Variants in E2F5 observed in about 807,000 individuals in gnomAD.
E2F5 encodes transcription factor E2F5.
In E2F5, 23 loss-of-function variants were observed where a neutral mutation model predicts 39.1. The ratio of observed to expected loss-of-function variants is 0.59; its 90% confidence interval spans 0.42 to 0.83. The LOEUF (loss-of-function observed/expected upper bound fraction) is 0.83, where lower values mean the gene tolerates loss of function less well. Ranked by LOEUF, E2F5 falls within the 40% of genes least tolerant of loss-of-function variation. The probability of loss-of-function intolerance (pLI) is 0.00; values close to 1 mark genes in which losing one functional copy is unlikely to be tolerated. For missense variants in E2F5, 365 were observed against 406.7 expected (o/e 0.90, Z 0.88); for synonymous variants, 145 against 157.8 (o/e 0.92, Z 0.61).
At chr8:85,205,821 A>T (rs576205198) in intron 3 of E2F5, among the ~76,000 whole-genome samples, 49 of 152,330 alleles carry the variant, frequency 3.2e-4, no homozygotes, top group African/African-American at 8.7e-4. Flanking sequence ...AACAAAAAAC[A>T]ACGATCACAG....
At chr8:85,188,159 A>T (rs1413916103) in intron 1 of E2F5, among the ~76,000 whole-genome samples, 2 of 152,178 alleles carry the variant, frequency 1.3e-5, no homozygotes, top group Admixed American at 1.3e-4. Context: ...TGCAGCTACT[A>T]TGATTTTTAA....
intron 5 of E2F5, 137 bp downstream of exon 5, chr8:85,207,626 A>AGG: frequency 1.6e-6 from 1 of 608,160 alleles, no homozygotes. Flanking sequence ...AAGTATTGAT[A>AGG]GCTGAATTTG....
intron 1 of E2F5, among the ~76,000 whole-genome samples, chr8:85,196,151 C>T (rs1032419706): frequency 5.3e-5 from 8 of 152,062 alleles, no homozygotes; most frequent in Non-Finnish European, 1.2e-4. Context: ...TTGAAACATG[C>T]GGCTCCTGGA....
chr8:85,180,916 C>T (rs981307999), intron 1 of E2F5, among the ~76,000 whole-genome samples: 4 of 149,526 alleles, frequency 2.7e-5, no homozygotes, highest in East Asian at 2.0e-4. Flanking sequence ...CTTATTCTGT[C>T]GCCCAGGCTG....
intron 6 of E2F5, among the ~76,000 whole-genome samples, chr8:85,210,080 G>T (rs1450040467): frequency 6.6e-6 from 1 of 152,184 alleles, no homozygotes; most frequent in Non-Finnish European, 1.5e-5. Flanking sequence ...GTACCTTACT[G>T]ATTCCAAATA....
At chr8:85,193,251 A>C (rs976083650) in intron 1 of E2F5, among the ~76,000 whole-genome samples, 8 of 152,148 alleles carry the variant, frequency 5.3e-5, no homozygotes, top group African/African-American at 1.7e-4. Flanking sequence ...TTGGGAGGCC[A>C]AGCGGGCAGA....
chr8:85,198,277 TC>T (rs1238423844), intron 1 of E2F5, among the ~76,000 whole-genome samples: 1 of 152,056 alleles, frequency 6.6e-6, no homozygotes, highest in East Asian at 1.9e-4. Context: ...TGTTAATGAT[TC>T]CTCTTTCTTT....
intron 1 of E2F5, among the ~76,000 whole-genome samples, chr8:85,201,354 T>A (rs2129717212): frequency 6.6e-6 from 1 of 152,354 alleles, no homozygotes; most frequent in Middle Eastern, 3.4e-3. Flanking sequence ...TGGCTCCACA[T>A]TCAAAATAGG....
At chr8:85,179,647 T>C (rs1239546138) in intron 1 of E2F5, among the ~76,000 whole-genome samples, 2 of 151,928 alleles carry the variant, frequency 1.3e-5, no homozygotes, top group Non-Finnish European at 2.9e-5. Flanking sequence ...TATATACTTA[T>C]ATATGTAAAA....
chr8:85,202,803 C>T (rs1812722361), intron 2 of E2F5, among the ~76,000 whole-genome samples: 1 of 152,100 alleles, frequency 6.6e-6, no homozygotes, highest in Admixed American at 6.6e-5. Context: ...GGTGTGACTG[C>T]TGAGCACACT....
At chr8:85,213,228 G>A (rs1812981853) in intron 7 of E2F5, 1 of 150,852 alleles carries the variant, frequency 6.6e-6, no homozygotes, top group Non-Finnish European at 1.5e-5. Context: ...TATTACCTTA[G>A]TGATAAGTTC....
In E2F5 at chr8:85,188,351, C is replaced by T. The variant is rs562350818; in HGVS notation, c.234+10697C>T. Among the ~76,000 whole-genome samples the T allele has an allele frequency of 2.6e-3, 370 of 142,886 alleles. 1 individual carries two copies. Among genetic ancestry groups the T allele is most frequent in the African/African-American group, 8.8e-3 (345 of 39,168 alleles). 93.7% of individuals were successfully genotyped at this position (142,886 alleles called of 152,430 possible). On this transcript the variant is annotated intron_variant, in intron 1 of 7. Coordinates refer to ENST00000416274, the MANE Select transcript of E2F5 (RefSeq NM_001951.4). ...TTTTTTTTTTGGAGATTGAAGACTT[C>T]CCTTTACCATTTTTTGTAAAACACT...
chr8:85,192,989 A>G (rs984395554), intron 1 of E2F5, among the ~76,000 whole-genome samples: 1 of 152,246 alleles, frequency 6.6e-6, no homozygotes, highest in Non-Finnish European at 1.5e-5. Flanking sequence ...AAGCACTTAA[A>G]CAGTATCTGG....
At chr8:85,182,407 G>T (rs1214502117) in intron 1 of E2F5, among the ~76,000 whole-genome samples, 1 of 152,186 alleles carries the variant, frequency 6.6e-6, no homozygotes, top group Non-Finnish European at 1.5e-5. Flanking sequence ...GAAAGTGAGA[G>T]CTAAGATTTG....
rs1186326767 is a variant in E2F5, at chr8:85,212,197, T to C, written c.924T>C (p.Ser308=). The part of the protein sequence containing the change: ...ISGDIIDELM[S]SDVFPLLRLS... ...GAGATATCATTGATGAGTTAATGTC[T>C]TCTGACGGTAAGTAGGTTAAAATTT... Residue 308 remains serine (S), a synonymous_variant, in exon 7 of 8, where the codon TCT becomes TCC. Transcript: ENST00000416274. 2.2e-5 allele frequency: 35 copies of C among 1,609,092 alleles called. No homozygotes were observed. The highest frequency in any genetic ancestry group is 2.8e-5 in the Non-Finnish European group (33 of 1,176,966).
At chr8:85,192,050 A>C (rs1024657701) in intron 1 of E2F5, among the ~76,000 whole-genome samples, 1 of 152,194 alleles carries the variant, frequency 6.6e-6, no homozygotes. Flanking sequence ...ACAATAAGAA[A>C]TGGAGAGATT....
intron 1 of E2F5, among the ~76,000 whole-genome samples, chr8:85,188,378 C>G (rs924459554): frequency 1.5e-5 from 2 of 133,486 alleles, no homozygotes; most frequent in African/African-American, 5.7e-5. Flanking sequence ...TAAAACACTT[C>G]TGGTAGTCAT....
chr8:85,199,202 G>A (rs765117117), intron 1 of E2F5, among the ~76,000 whole-genome samples: 1 of 151,746 alleles, frequency 6.6e-6, no homozygotes, highest in Non-Finnish European at 1.5e-5. Flanking sequence ...TGGCCTGCCT[G>A]CCTCTCCTTG....
Position 85,206,362 on chromosome 8 carries a change from A to G in E2F5, c.550+142A>G. ...TCTCACTCCACCATGCCGTGTATTG[A>G]TAGACTGCTTTTGTTTCTGTTTTCA... On this transcript the variant is annotated intron_variant, in intron 4 of 7. Transcript: ENST00000416274. The G allele has an allele frequency of 4.0e-6, 3 of 756,472 alleles. No individual in the cohort carries two copies. In the South Asian group the frequency reaches 5.3e-5, roughly 13 times the overall value. 46.9% of individuals were successfully genotyped at this position (756,472 alleles called of 1,614,324 possible). A position where few individuals can be genotyped will look rare whatever the true frequency, so the allele number is the denominator to read the frequency against.
Sources: gnomAD v4.1 joint callset for allele counts (sites outside exome capture counted in the v4.1 genomes callset) on GRCh38, gnomAD v4.1.1 for gene constraint, MANE v1.5 for transcripts, NCBI Gene and HGNC (gene_info 2026-07-23, HGNC 2026-07-21) for gene names.